The following PALM2AKAP2 variants were observed in gnomAD, a reference collection of about 807,000 sequenced individuals.
PALM2AKAP2 encodes PALM2-AKAP2 fusion protein.
In PALM2AKAP2, 37 loss-of-function variants were observed where a neutral mutation model predicts 71.5. That is an observed-to-expected ratio of 0.52 (90% CI 0.40 to 0.68). The LOEUF is 0.68. Ranked by LOEUF, PALM2AKAP2 falls within the 30% of genes least tolerant of loss-of-function variation. The pLI is 0.00. For missense variants in PALM2AKAP2, 1,224 were observed against 1,191.8 expected (o/e 1.03, Z -0.40); for synonymous variants, 468 against 478.8 (o/e 0.98, Z 0.29).
At chr9:110,038,328 A>C (rs1833449102) in intron 7 of PALM2AKAP2, among the ~76,000 whole-genome samples, 1 of 139,068 alleles carries the variant, frequency 7.2e-6, no homozygotes, top group Non-Finnish European at 1.6e-5. Flanking sequence ...ACCCTGTCTC[A>C]AAAACAAACA....
chr9:109,695,736 A>C (rs1380288078), intron 1 of PALM2AKAP2, among the ~76,000 whole-genome samples: 1 of 152,202 alleles, frequency 6.6e-6, no homozygotes, highest in Non-Finnish European at 1.5e-5. Flanking sequence ...ACATGCATAG[A>C]ACTGGAGGTC....
intron 1 of PALM2AKAP2, among the ~76,000 whole-genome samples, chr9:110,076,492 CATATATAT>C (rs149836822): frequency 5.6e-5 from 6 of 106,760 alleles, no homozygotes; most frequent in African/African-American, 1.3e-4. Flanking sequence ...ATATATTCTA[CATATATAT>C]ATATATATAT....
At chr9:109,874,329 A>C (rs1829671855) in intron 2 of PALM2AKAP2, among the ~76,000 whole-genome samples, 1 of 152,216 alleles carries the variant, frequency 6.6e-6, no homozygotes, top group Admixed American at 6.5e-5. Context: ...TTGAGCAAAA[A>C]AGAAAAAAGG....
chr9:109,974,225 G>T (rs1210500988), intron 6 of PALM2AKAP2, among the ~76,000 whole-genome samples: 2 of 152,234 alleles, frequency 1.3e-5, no homozygotes, highest in Non-Finnish European at 2.9e-5. Context: ...GCCTGGCAGG[G>T]TGAGTGCCAA....
intron 3 of PALM2AKAP2, among the ~76,000 whole-genome samples, chr9:109,888,711 C>CAAAAAA (rs34495775): frequency 1.5e-4 from 15 of 98,742 alleles, no homozygotes; most frequent in South Asian, 7.7e-4. Flanking sequence ...ATTTTGCCTC[C>CAAAAAA]AAAAAAAAAA....
chr9:109,663,743 G>T (rs1827436669), intron 1 of PALM2AKAP2, among the ~76,000 whole-genome samples: 1 of 152,172 alleles, frequency 6.6e-6, no homozygotes, highest in African/African-American at 2.4e-5. Flanking sequence ...GGATATCCTT[G>T]TTAACCTTCC....
At chr9:109,688,059 A>C (rs987578329) in intron 1 of PALM2AKAP2, among the ~76,000 whole-genome samples, 1 of 152,202 alleles carries the variant, frequency 6.6e-6, no homozygotes, top group Admixed American at 6.5e-5. Context: ...AGCACCCCGA[A>C]ACAATTACGA....
In PALM2AKAP2 at chr9:110,067,484, GA is replaced by G. The variant is rs1434282881; in HGVS notation, c.156+18631del. Among the ~76,000 whole-genome samples, 3 of 152,308 alleles carry G rather than the reference GA, an allele frequency of 2.0e-5. No individual in the cohort carries two copies. The East Asian group carries it at 5.8e-4, about 29-fold the overall frequency. ...GGAGTTCATTGACTTCAAGGCAATT[GA>G]ATGCATTATTAGCCAGAAGAAGAAA... On this transcript the variant is annotated intron_variant, in intron 1 of 3. Transcript: ENST00000374525.
chr9:110,012,751 C>T (rs947611253), intron 6 of PALM2AKAP2, among the ~76,000 whole-genome samples: 2 of 152,164 alleles, frequency 1.3e-5, no homozygotes, highest in African/African-American at 4.8e-5. Context: ...TGTCTCACAT[C>T]TCCTTCTTAT....
chr9:109,854,644 T>A (rs973251156), intron 1 of PALM2AKAP2, among the ~76,000 whole-genome samples: 2 of 152,146 alleles, frequency 1.3e-5, no homozygotes, highest in Admixed American at 1.3e-4. Flanking sequence ...ATGCAGAGGA[T>A]AGATGCTATC....
intron 5 of PALM2AKAP2, among the ~76,000 whole-genome samples, chr9:109,926,499 G>C (rs941670805): frequency 6.6e-6 from 1 of 152,174 alleles, no homozygotes; most frequent in African/African-American, 2.4e-5. Context: ...GTGGGGCACG[G>C]ATTGAGGAAG....
chr9:109,764,855 A>T (rs932334301), intron 1 of PALM2AKAP2, among the ~76,000 whole-genome samples: 4 of 152,182 alleles, frequency 2.6e-5, no homozygotes. Flanking sequence ...GTCAGGAATC[A>T]TTTGGAACTA....
chr9:110,033,565 T>G (rs1252054516), intron 7 of PALM2AKAP2, among the ~76,000 whole-genome samples: 1 of 152,208 alleles, frequency 6.6e-6, no homozygotes. Flanking sequence ...ATCAACACTT[T>G]GAGAAGGTAA....
At chr9:109,690,810 A>G (rs1376793073) in intron 1 of PALM2AKAP2, among the ~76,000 whole-genome samples, 1 of 152,166 alleles carries the variant, frequency 6.6e-6, no homozygotes, top group African/African-American at 2.4e-5. Flanking sequence ...ATCACATCCT[A>G]TACCTTTAAA....
chr9:110,123,572 C>A (rs893536959), intron 1 of PALM2AKAP2, among the ~76,000 whole-genome samples: 3 of 152,148 alleles, frequency 2.0e-5, no homozygotes, highest in Non-Finnish European at 4.4e-5. Context: ...CTCAAGTCAA[C>A]ACACAACAGT....
Position 109,998,603 on chromosome 9 carries a change from A to C in PALM2AKAP2, c.497-17351A>C, listed in dbSNP as rs549291707. Among the ~76,000 whole-genome samples the C allele has an allele frequency of 1.6e-3, 203 of 128,982 alleles. 5 individuals are homozygous for C. The South Asian group carries it at 0.051, about 33-fold the overall frequency. 84.6% of individuals were successfully genotyped at this position (128,982 alleles called of 152,430 possible). A position where few individuals can be genotyped will look rare whatever the true frequency, so the allele number is the denominator to read the frequency against. ...AATTGTTTGTGGCTCAGCTCTTCTT[A>C]ATATGGTACTTTCTGACCAGGGCGG... On this transcript the variant is annotated intron_variant, in intron 6 of 9. Transcript: ENST00000302798.
chr9:109,973,796 G>T (rs1426062869), intron 6 of PALM2AKAP2, among the ~76,000 whole-genome samples: 1 of 152,190 alleles, frequency 6.6e-6, no homozygotes, highest in Non-Finnish European at 1.5e-5. Context: ...TAACCAACTT[G>T]CCCAAGATGT....
intron 1 of PALM2AKAP2, among the ~76,000 whole-genome samples, chr9:109,669,866 C>G (rs1320477025): frequency 6.6e-6 from 1 of 151,588 alleles, no homozygotes; most frequent in Admixed American, 6.6e-5. Flanking sequence ...TCCAAAGTAC[C>G]AACTTTTGTT....
chr9:109,776,409 G>A (rs1829349046), upstream of PALM2AKAP2, among the ~76,000 whole-genome samples: 1 of 152,324 alleles, frequency 6.6e-6, no homozygotes, highest in South Asian at 2.1e-4. Context: ...GAAAAAGAAT[G>A]AAATGAAATT....
Sources: allele counts gnomAD v4.1 joint callset (sites outside exome capture counted in the v4.1 genomes callset), GRCh38; gene constraint gnomAD v4.1.1; transcripts MANE v1.5; gene names NCBI Gene and HGNC (gene_info 2026-07-23, HGNC 2026-07-21).